PIEZO1: variants seen among roughly 807,000 people sequenced by gnomAD.
PIEZO1 encodes piezo-type mechanosensitive ion channel component 1.
Under a neutral mutation model 297.2 loss-of-function variants are expected in PIEZO1, and 296 were observed. The observed-to-expected ratio is 1.00, with a 90% CI of 0.91 to 1.10. The LOEUF is 1.10. PIEZO1 is among the 50% of genes least tolerant of loss of function. PIEZO1 has a pLI of 0.00. For missense variants in PIEZO1, 5,018 were observed against 3,455.5 expected, an observed-to-expected ratio of 1.45 and a Z score of -11.34; for synonymous variants, 2,427 against 1,507.5, an observed-to-expected ratio of 1.61 and a Z score of -14.13.
Position 88,732,276 on chromosome 16 carries a change from C to T in PIEZO1, c.2991+59G>A, listed in dbSNP as rs556481276. 191 of 1,430,082 alleles carry T rather than the reference C, an allele frequency of 1.3e-4. 5 individuals carry two copies. Among genetic ancestry groups the T allele is most frequent in the South Asian group, 1.3e-3 (106 of 79,926 alleles). 88.6% of individuals were successfully genotyped at this position (1,430,082 alleles called of 1,614,324 possible). A position where few individuals can be genotyped will look rare whatever the true frequency, so the allele number is the denominator to read the frequency against. On this transcript the variant is annotated intron_variant, in intron 21 of 50. Transcript: ENST00000301015. The stretch of plus-strand genomic sequence containing the variant: ...GCTTGCGGTGCCTGCACGGTGCAGC[C>T]GTCCCTCCCTCCCGAAGGCCAAGCC...
chr16:88,781,307 G>A (rs1409056396), intron 1 of PIEZO1, among the ~76,000 whole-genome samples: 2 of 152,260 alleles, frequency 1.3e-5, no homozygotes, highest in African/African-American at 4.8e-5. Flanking sequence ...CTTCCTCTCT[G>A]TGGGACCCTG....
At chr16:88,736,901 C>T (rs1384005666) in intron 10 of PIEZO1, 162 bp from the exon 11 acceptor site, 12 of 513,380 alleles carry the variant, frequency 2.3e-5, no homozygotes, top group East Asian at 3.4e-5. Flanking sequence ...GGGCTGACAC[C>T]GTCCCTGAGC....
At chr16:88,757,019 T>G (rs1474295782) in intron 1 of PIEZO1, among the ~76,000 whole-genome samples, 1 of 151,872 alleles carries the variant, frequency 6.6e-6, no homozygotes, top group African/African-American at 2.4e-5. Context: ...GAGCTTGCAG[T>G]GAGCCGAGAT....
At position 88,734,920 on chromosome 16, in the gene PIEZO1, C is replaced by T. The variant is rs752369849; in HGVS notation, c.1803G>A (p.Lys601=). ...GCAGGAAGAGGAACATGTAGACAAT[C>T]TTGTAGACCACGAGGCGGCCGGCGA... ...VSFAGRLVVY[K]IVYMFLFLLC... is the part of the protein sequence containing the mutation. Residue 601 remains lysine (K), a synonymous_variant, in exon 14 of 51, where the codon AAG becomes AAA. Coordinates refer to ENST00000301015, the MANE Select transcript of PIEZO1 (RefSeq NM_001142864.4). The T allele has an allele frequency of 1.0e-5, 16 of 1,550,416 alleles. No individual in the cohort carries two copies. Among genetic ancestry groups the T allele is most frequent in the Non-Finnish European group, 1.4e-5 (16 of 1,146,962 alleles).
intron 1 of PIEZO1, among the ~76,000 whole-genome samples, chr16:88,770,373 T>G (rs1272622731): frequency 1.3e-5 from 2 of 152,190 alleles, no homozygotes; most frequent in Non-Finnish European, 2.9e-5. Context: ...ACTTGGGAGC[T>G]GGCTCGACCT....
intron 28 of PIEZO1, 35 bp downstream of exon 28, chr16:88,725,557 GGGA>G (rs1904362007): frequency 6.5e-7 from 1 of 1,532,936 alleles, no homozygotes; most frequent in Non-Finnish European, 8.8e-7. Context: ...GAGCATTGGG[GGGA>G]GGAGCCGGGG....
At position 88,734,827 on chromosome 16, in the gene PIEZO1, C is replaced by T. The variant is rs1401683406; in HGVS notation, c.1849-29G>A. 7.7e-6 allele frequency: 12 copies of T among 1,550,194 alleles called. No homozygotes were observed. The South Asian group carries it at 1.3e-4, about 17-fold the overall frequency. ...CCGGGTGAGGTGGGGGTGGTGAGGA[C>T]CGCGGGGAGGGTCCGTGCCCCAGCC... On this transcript the variant is annotated intron_variant, in intron 14 of 50. Transcript: ENST00000301015.
At chr16:88,750,619 T>C (rs1476936040) in intron 1 of PIEZO1, among the ~76,000 whole-genome samples, 1 of 152,186 alleles carries the variant, frequency 6.6e-6, no homozygotes, top group Non-Finnish European at 1.5e-5. Context: ...CTTGCACTGA[T>C]CTGATAAGGT....
At position 88,724,253 on chromosome 16, in the gene PIEZO1, G is replaced by T. The variant is rs149920196; in HGVS notation, c.4235-282C>A. Among the ~76,000 whole-genome samples, 10 of 152,336 alleles carry T rather than the reference G, an allele frequency of 6.6e-5. No homozygotes were observed. In the East Asian group the frequency reaches 1.4e-3, roughly 21 times the overall value. On this transcript the variant is annotated intron_variant, in intron 30 of 50. Coordinates refer to ENST00000301015, the MANE Select transcript of PIEZO1 (RefSeq NM_001142864.4). The stretch of plus-strand genomic sequence containing the variant: ...GAGAGTTAGAAAAACAGAACAGGCC[G>T]GGCACGGTGGCTGACGCCTGTAATC...
At chr16:88,722,194 G>A (rs911934038) in intron 36 of PIEZO1, 24 bp downstream of exon 36, 20 of 1,539,868 alleles carry the variant, frequency 1.3e-5, no homozygotes, top group Middle Eastern at 4.0e-4. Context: ...GGTGAGGCTG[G>A]TGTTGTGCGC....
At chr16:88,759,535 G>C (rs962940217) in intron 1 of PIEZO1, among the ~76,000 whole-genome samples, 15 of 152,134 alleles carry the variant, frequency 9.9e-5, no homozygotes, top group African/African-American at 3.6e-4. Context: ...CGGTGGGCGG[G>C]GCCGGGCAGA....
chr16:88,773,036 T>C lies in PIEZO1; in HGVS notation c.64+11865A>G, dbSNP rs562372162. Among the ~76,000 whole-genome samples the C allele has an allele frequency of 2.0e-5, 3 of 152,330 alleles. No individual in the cohort carries two copies. The East Asian group carries it at 5.8e-4, about 29-fold the overall frequency. On this transcript the variant is annotated intron_variant, in intron 1 of 50. Coordinates refer to ENST00000301015, the MANE Select transcript of PIEZO1 (RefSeq NM_001142864.4). Reference sequence around the variant, plus strand: ...TCTGGAATGTGAGGCGGCCTGTCTGTCCACCCAGAAGCTTCTGGCACTCCA... The same window carrying C: ...TCTGGAATGTGAGGCGGCCTGTCTGCCCACCCAGAAGCTTCTGGCACTCCA...
At chr16:88,717,789 G>T (rs189440088) in intron 44 of PIEZO1, 2 of 451,050 alleles carry the variant, frequency 4.4e-6, no homozygotes, top group East Asian at 1.4e-4. Context: ...TTCCAATTCA[G>T]TCATTTCTAG....
At position 88,719,728 on chromosome 16, in the gene PIEZO1, A is replaced by C. The variant is rs920445942; in HGVS notation, c.6324-7T>G. 1.9e-6 allele frequency: 3 copies of C among 1,550,360 alleles called. No homozygotes were observed. Among genetic ancestry groups the C allele is most frequent in the Non-Finnish European group, 2.6e-6 (3 of 1,146,976 alleles). ...GAACGGCACCAGCCGGAACCTGCCC[A>C]CAGCCAGGGTTCCCGTCAGGTGGGC... On this transcript the variant is annotated splice_polypyrimidine_tract_variant and splice_region_variant and intron_variant, in intron 43 of 50. Transcript: ENST00000301015.
At chr16:88,764,964 C>G (rs1907105556) in intron 1 of PIEZO1, among the ~76,000 whole-genome samples, 2 of 152,192 alleles carry the variant, frequency 1.3e-5, no homozygotes, top group South Asian at 4.1e-4. Flanking sequence ...CTCCCGGTAG[C>G]CGCCTCTCAG....
At chr16:88,783,850 C>T (rs1024403735) in intron 1 of PIEZO1, among the ~76,000 whole-genome samples, 1 of 152,248 alleles carries the variant, frequency 6.6e-6, no homozygotes, top group Non-Finnish European at 1.5e-5. Flanking sequence ...GCTCTAGATC[C>T]CCAAAGCTAG....
At chr16:88,755,941 G>A (rs559626497) in intron 1 of PIEZO1, among the ~76,000 whole-genome samples, 1 of 152,214 alleles carries the variant, frequency 6.6e-6, no homozygotes, top group African/African-American at 2.4e-5. Flanking sequence ...CCCAGCACAG[G>A]GCAGAGCCTC....
At chr16:88,757,314 G>T (rs1329412547) in intron 1 of PIEZO1, among the ~76,000 whole-genome samples, 1 of 73,358 alleles carries the variant, frequency 1.4e-5, no homozygotes, top group Non-Finnish European at 2.6e-5. Context: ...AGGGGGCGTT[G>T]CTGGCGGGGG....
intron 1 of PIEZO1, among the ~76,000 whole-genome samples, chr16:88,762,967 A>T (rs949099862): frequency 6.6e-6 from 1 of 152,206 alleles, no homozygotes; most frequent in Non-Finnish European, 1.5e-5. Flanking sequence ...AGGACTAGGA[A>T]TTGGCAGCTC....
Sources: gnomAD v4.1 joint callset for allele counts (sites outside exome capture counted in the v4.1 genomes callset) on GRCh38, gnomAD v4.1.1 for gene constraint, MANE v1.5 for transcripts, NCBI Gene and HGNC (gene_info 2026-07-23, HGNC 2026-07-21) for gene names.